C8orf74: variants seen among roughly 807,000 people sequenced by gnomAD.
C8orf74 encodes the protein chromosome 8 open reading frame 74.
C8orf74 carries 29 observed loss-of-function variants against 22.2 expected under a neutral mutation model. That is an observed-to-expected ratio of 1.31 (90% CI 0.97 to 1.78). The LOEUF is 1.78. C8orf74 is among the 40% of genes most tolerant of loss of function. The pLI, the probability that C8orf74 is intolerant of heterozygous loss-of-function variation, is 0.00. For missense variants in C8orf74, 515 were observed against 369.9 expected (o/e 1.39, Z -3.22); for synonymous variants, 255 against 163.1 (o/e 1.56, Z -4.30).
At chr8:10,684,167 G>T (rs1799213377) in intron 2 of C8orf74, among the ~76,000 whole-genome samples, 1 of 152,188 alleles carries the variant, frequency 6.6e-6, no homozygotes. Context: ...GGGTGGATGG[G>T]TACTGCTGTC....
chr8:10,695,703 C>G (rs541605776), intron 2 of C8orf74, among the ~76,000 whole-genome samples: 28 of 152,212 alleles, frequency 1.8e-4, no homozygotes, highest in African/African-American at 5.8e-4. Flanking sequence ...CTGAGACAGT[C>G]CCTGCTGAAG....
chr8:10,697,530 C>T lies in C8orf74; in HGVS notation c.242-69C>T, dbSNP rs879102580. On this transcript the variant is annotated intron_variant, in intron 2 of 3. Coordinates refer to ENST00000304519, the MANE Select transcript of C8orf74 (RefSeq NM_001040032.2). The stretch of plus-strand genomic sequence containing the variant: ...GTGACCAGGCTGTCGGGGTGCAGAG[C>T]CCACATCCACTGCCTGGCAGGGCAG... 2.1e-6 allele frequency: 3 copies of T among 1,397,186 alleles called. No homozygotes were observed. The South Asian group carries it at 3.8e-5, about 18-fold the overall frequency. 86.5% of individuals were successfully genotyped at this position (1,397,186 alleles called of 1,614,324 possible).
intron 2 of C8orf74, among the ~76,000 whole-genome samples, chr8:10,676,667 A>G (rs1011987433): frequency 6.6e-6 from 1 of 151,818 alleles, no homozygotes; most frequent in Non-Finnish European, 1.5e-5. Context: ...ACATGGCATC[A>G]CTCACAGGCT....
At chr8:10,674,427 A>G (rs191070829) in intron 1 of C8orf74, among the ~76,000 whole-genome samples, 4 of 2,834 alleles carry the variant, frequency 1.4e-3, no homozygotes, top group Non-Finnish European at 3.3e-3. Context: ...CCCATATCAT[A>G]TCCTGCAACC....
intron 2 of C8orf74, among the ~76,000 whole-genome samples, chr8:10,695,682 C>T (rs183057371): frequency 3.9e-5 from 6 of 152,160 alleles, no homozygotes; most frequent in Admixed American, 6.5e-5. Flanking sequence ...AAAACAACCT[C>T]GTGGGCAAGA....
chr8:10,700,123 T>G, intron 3 of C8orf74, 112 bp from the exon 4 acceptor site: 1 of 657,174 alleles, frequency 1.5e-6, no homozygotes, highest in East Asian at 2.9e-5. Context: ...GTGGGCAGGG[T>G]GAGACGGATG....
At chr8:10,688,671 G>C (rs553966500) in intron 2 of C8orf74, 1 of 152,340 alleles carries the variant, frequency 6.6e-6, no homozygotes, top group Admixed American at 6.5e-5. Context: ...TCCAGCCAGC[G>C]TGGTCCTCCT....
At chr8:10,681,002 T>C (rs1457805435) in intron 2 of C8orf74, among the ~76,000 whole-genome samples, 6 of 151,704 alleles carry the variant, frequency 4.0e-5, no homozygotes, top group East Asian at 1.9e-4. Flanking sequence ...GATGTTTTTG[T>C]TGTTGTTAAT....
Position 10,697,653 on chromosome 8 carries a change from G to A in C8orf74, c.296G>A (p.Arg99Gln), listed in dbSNP as rs756051959. 6.2e-7 allele frequency: 1 copy of A among 1,613,884 alleles called. No individual in the cohort carries two copies. The highest frequency in any genetic ancestry group is 1.1e-5 in the South Asian group (1 of 91,074). The change falls in exon 3 of 4, where the codon CGG becomes CAG. Residue 99 changes from arginine to glutamine, a missense_variant. By Grantham distance (43) the Arg-to-Gln change is conservative. Coordinates refer to ENST00000304519, the MANE Select transcript of C8orf74 (RefSeq NM_001040032.2). ...TILGNKLRDYRGHFNTTHLLA... is the reference protein window; with the variant it reads ...TILGNKLRDYQGHFNTTHLLA... ...CTGGGGAACAAGCTTAGAGATTACCGGGGCCATTTCAACACCACCCACCTG... is the reference window on the plus strand; with the variant it reads ...CTGGGGAACAAGCTTAGAGATTACCAGGGCCATTTCAACACCACCCACCTG...
At chr8:10,695,974 G>C (rs554158684) in intron 2 of C8orf74, among the ~76,000 whole-genome samples, 1 of 152,176 alleles carries the variant, frequency 6.6e-6, no homozygotes, top group African/African-American at 2.4e-5. Flanking sequence ...AGCAGAAGAG[G>C]CTTGGCCAAG....
chr8:10,676,918 C>G (rs970855297), intron 2 of C8orf74, among the ~76,000 whole-genome samples: 39 of 152,334 alleles, frequency 2.6e-4, no homozygotes, highest in African/African-American at 9.1e-4. Flanking sequence ...AAGTCCCCAT[C>G]AGAGCCTCCA....
At chr8:10,674,870 G>C (rs1253095274) in intron 2 of C8orf74, 32 bp downstream of exon 2, 1 of 1,549,008 alleles carries the variant, frequency 6.5e-7, no homozygotes, top group African/African-American at 1.4e-5. Flanking sequence ...AGTCAGCAGA[G>C]GCTGGCGGGA....
At chr8:10,697,559 T>G (rs1799549279) in intron 2 of C8orf74, 40 bp from the exon 3 acceptor site, 2 of 1,586,024 alleles carry the variant, frequency 1.3e-6, no homozygotes, top group African/African-American at 2.7e-5. Context: ...AGGGCAGCTC[T>G]GTCCCACTCC....
At chr8:10,683,308 G>C (rs572744752) in intron 2 of C8orf74, among the ~76,000 whole-genome samples, 1 of 152,234 alleles carries the variant, frequency 6.6e-6, no homozygotes, top group Non-Finnish European at 1.5e-5. Flanking sequence ...TGTGCCCTTT[G>C]GCTAAGGTGT....
chr8:10,695,992 T>A (rs376067356), intron 2 of C8orf74, among the ~76,000 whole-genome samples: 1 of 152,220 alleles, frequency 6.6e-6, no homozygotes, highest in African/African-American at 2.4e-5. Context: ...AAGTCCACAG[T>A]ACATTTCCAG....
chr8:10,683,348 G>A (rs1471747511), intron 2 of C8orf74, among the ~76,000 whole-genome samples: 1 of 152,226 alleles, frequency 6.6e-6, no homozygotes, highest in Admixed American at 6.5e-5. Context: ...CTGTGTGTGG[G>A]CAGATGGTAC....
chr8:10,681,311 G>A (rs1799143164), intron 2 of C8orf74, among the ~76,000 whole-genome samples: 1 of 152,122 alleles, frequency 6.6e-6, no homozygotes. Context: ...GGAAGCTCTG[G>A]GCAGATCACA....
At chr8:10,699,544 C>A (rs373808606) in intron 3 of C8orf74, among the ~76,000 whole-genome samples, 1 of 152,344 alleles carries the variant, frequency 6.6e-6, no homozygotes, top group East Asian at 1.9e-4. Context: ...GGGCAAGGAA[C>A]CTAGAGAAAC....
Position 10,697,645 on chromosome 8 carries a change from A to T in C8orf74, c.288A>T (p.Arg96Ser). ...TGACGATCCTGGGGAACAAGCTTAG[A>T]GATTACCGGGGCCATTTCAACACCA... ...EAVTILGNKL[R>S]DYRGHFNTTH... Residue 96 changes from arginine to serine, a missense_variant, in exon 3 of 4, where the codon AGA becomes AGT. Transcript: ENST00000304519. 1 of 1,613,920 alleles carries T rather than the reference A, an allele frequency of 6.2e-7. No homozygotes were observed. Among genetic ancestry groups the T allele is most frequent in the Non-Finnish European group, 8.5e-7 (1 of 1,179,876 alleles).
Sources: allele counts gnomAD v4.1 joint callset (sites outside exome capture counted in the v4.1 genomes callset), GRCh38; gene constraint gnomAD v4.1.1; transcripts MANE v1.5; gene names NCBI Gene and HGNC (gene_info 2026-07-23, HGNC 2026-07-21).